The following MAF variants were observed in gnomAD, a reference collection of about 807,000 sequenced individuals.
The protein encoded by MAF is MAF bZIP transcription factor.
MAF carries 10 observed loss-of-function variants against 22.0 expected under a neutral mutation model. The ratio of observed to expected loss-of-function variants is 0.45; its 90% CI spans 0.28 to 0.77. MAF has a LOEUF of 0.77. Ranked by LOEUF, MAF falls within the 30% of genes least tolerant of loss-of-function variation. The pLI, the probability that MAF is intolerant of heterozygous loss-of-function variation, is 0.12. For missense variants in MAF, 544 were observed against 548.4 expected (o/e 0.99, Z 0.08); for synonymous variants, 337 against 255.8 (o/e 1.32, Z -3.03).
the MAF span, among the ~76,000 whole-genome samples, chr16:79,388,448 C>T: frequency 6.6e-6 from 1 of 152,128 alleles, no homozygotes; most frequent in South Asian, 2.1e-4. Context: ...TATATATAGT[C>T]CATAGGATAC....
chr16:79,423,341 C>G, the MAF span, among the ~76,000 whole-genome samples: 1 of 152,070 alleles, frequency 6.6e-6, no homozygotes, highest in East Asian at 1.9e-4. Flanking sequence ...TGGAGAGCAG[C>G]AAGGAGGCCA....
At chr16:79,306,274 T>C in the MAF span, among the ~76,000 whole-genome samples, 22 of 152,210 alleles carry the variant, frequency 1.4e-4, no homozygotes, top group Non-Finnish European at 2.4e-4. Flanking sequence ...ATGGCCATTT[T>C]CCCATTCTAA....
chr16:79,411,410 C>G, the MAF span, among the ~76,000 whole-genome samples: 8 of 152,178 alleles, frequency 5.3e-5, no homozygotes, highest in Non-Finnish European at 1.0e-4. Flanking sequence ...TCCCCTGAAC[C>G]TTTTATTTTG....
the MAF span, among the ~76,000 whole-genome samples, chr16:79,404,021 C>A: frequency 6.6e-6 from 1 of 152,138 alleles, no homozygotes; most frequent in Non-Finnish European, 1.5e-5. Context: ...TGCATCACCA[C>A]GTATTTCTAA....
At chr16:79,332,220 A>T in the MAF span, among the ~76,000 whole-genome samples, 1 of 151,978 alleles carries the variant, frequency 6.6e-6, no homozygotes, top group Non-Finnish European at 1.5e-5. Context: ...CTATCTATTC[A>T]CTCACCTGTG....
chr16:79,502,482 A>G, the MAF span, among the ~76,000 whole-genome samples: 1 of 151,774 alleles, frequency 6.6e-6, no homozygotes. Flanking sequence ...TCTGGGCAAT[A>G]TGGCTAAACC....
At chr16:79,215,741 C>T in the MAF span, among the ~76,000 whole-genome samples, 6 of 152,214 alleles carry the variant, frequency 3.9e-5, no homozygotes, top group East Asian at 1.9e-4. Flanking sequence ...CCAAGTGCTA[C>T]ATCCTGGAAA....
the MAF span, among the ~76,000 whole-genome samples, chr16:79,311,241 A>T: frequency 6.6e-6 from 1 of 151,906 alleles, no homozygotes; most frequent in African/African-American, 2.4e-5. Context: ...TCCCACTCCT[A>T]CTTCATTTTT....
the MAF span, among the ~76,000 whole-genome samples, chr16:79,311,006 G>A: frequency 2.0e-5 from 3 of 150,454 alleles, no homozygotes; most frequent in East Asian, 6.2e-4. Flanking sequence ...CTGCTGCTGC[G>A]GCTGCTTTTT....
the MAF span, among the ~76,000 whole-genome samples, chr16:79,397,550 T>G: frequency 6.6e-6 from 1 of 152,212 alleles, no homozygotes; most frequent in African/African-American, 2.4e-5. Flanking sequence ...GTTAAAACAT[T>G]TTTTTAACAA....
chr16:79,530,165 C>T, the MAF span, among the ~76,000 whole-genome samples: 3 of 152,128 alleles, frequency 2.0e-5, no homozygotes, highest in African/African-American at 7.2e-5. Flanking sequence ...TATCCCATAA[C>T]AATTTATTTT....
At chr16:79,576,093 T>C in the MAF span, among the ~76,000 whole-genome samples, 1 of 152,156 alleles carries the variant, frequency 6.6e-6, no homozygotes, top group Non-Finnish European at 1.5e-5. Flanking sequence ...AAGGTTTTCT[T>C]ATCTTCTGAG....
the MAF span, among the ~76,000 whole-genome samples, chr16:79,448,604 T>C: frequency 2.6e-5 from 4 of 152,028 alleles, no homozygotes; most frequent in Non-Finnish European, 4.4e-5. Context: ...TTTTTGTATT[T>C]TTAGTAGAGA....
chr16:79,381,404 T>C, the MAF span, among the ~76,000 whole-genome samples: 2 of 152,262 alleles, frequency 1.3e-5, no homozygotes, highest in East Asian at 3.9e-4. Flanking sequence ...ATAAGTGTGT[T>C]TGTGATGTGG....
the MAF span, among the ~76,000 whole-genome samples, chr16:79,334,238 G>A: frequency 6.6e-6 from 1 of 152,216 alleles, no homozygotes; most frequent in Non-Finnish European, 1.5e-5. Flanking sequence ...TTGGGCTGCA[G>A]TCGTGCAATG....
chr16:79,449,698 C>A, the MAF span, among the ~76,000 whole-genome samples: 1 of 152,080 alleles, frequency 6.6e-6, no homozygotes, highest in African/African-American at 2.4e-5. Flanking sequence ...GAAGTTTTTC[C>A]TTTTACTGGG....
At chr16:79,220,255 C>CAAAAAA in the MAF span, among the ~76,000 whole-genome samples, 52 of 93,870 alleles carry the variant, frequency 5.5e-4, no homozygotes, top group Admixed American at 9.8e-4. Context: ...GACTCCATCT[C>CAAAAAA]AAAAAAAAAA....
the MAF span, among the ~76,000 whole-genome samples, chr16:79,528,347 G>A: frequency 1.3e-5 from 2 of 152,126 alleles, no homozygotes; most frequent in Admixed American, 6.6e-5. Flanking sequence ...GAGCTCATGT[G>A]GCTGGATGCA....
At chr16:79,266,541 T>G in the MAF span, among the ~76,000 whole-genome samples, 2 of 152,188 alleles carry the variant, frequency 1.3e-5, no homozygotes, top group South Asian at 4.1e-4. Flanking sequence ...ATGGAACACT[T>G]GGACTGGGTT....
Sources: allele counts gnomAD v4.1 joint callset (sites outside exome capture counted in the v4.1 genomes callset), GRCh38; gene constraint gnomAD v4.1.1; transcripts MANE v1.5; gene names NCBI Gene and HGNC (gene_info 2026-07-23, HGNC 2026-07-21).